MTRF1: variants seen among roughly 807,000 people sequenced by gnomAD.
MTRF1 encodes the protein mitochondrial translation release factor 1.
Under a neutral mutation model 62.9 loss-of-function variants are expected in MTRF1, and 51 were observed. That is an observed-to-expected ratio of 0.81 (90% CI 0.65 to 1.02). The LOEUF (loss-of-function observed/expected upper bound fraction) is 1.02, where lower values mean the gene tolerates loss of function less well. Among genes scored for constraint, MTRF1 ranks in the 50% least tolerant of loss-of-function variants. The pLI, the probability that MTRF1 is intolerant of heterozygous loss-of-function variation, is 0.00. For missense variants in MTRF1, 446 were observed against 530.0 expected, an observed-to-expected ratio of 0.84 and a Z score of 1.56; for synonymous variants, 158 against 181.9, an observed-to-expected ratio of 0.87 and a Z score of 1.06.
the MTRF1 span, chr13:41,311,593 G>C: frequency 6.2e-7 from 1 of 1,602,414 alleles, no homozygotes; most frequent in Non-Finnish European, 8.5e-7. Context: ...GTGAGTGGCC[G>C]TAGGCCGCGC....
the MTRF1 span, among the ~76,000 whole-genome samples, chr13:41,300,874 C>T: frequency 1.3e-5 from 2 of 152,170 alleles, no homozygotes; most frequent in African/African-American, 4.8e-5. Flanking sequence ...TAGTCAAGAA[C>T]AAAATGCCTT....
chr13:41,240,162 C>CAA (rs58711295), intron 6 of MTRF1, 99 bp downstream of exon 6: 6,066 of 1,039,746 alleles, frequency 5.8e-3, no homozygotes, highest in Non-Finnish European at 6.7e-3. Flanking sequence ...GACTCTGTCT[C>CAA]AAAAAAAAAA....
At chr13:41,302,023 A>AT in the MTRF1 span, among the ~76,000 whole-genome samples, 1 of 151,810 alleles carries the variant, frequency 6.6e-6, no homozygotes, top group Non-Finnish European at 1.5e-5. Context: ...AGTCTTTCTT[A>AT]TTTATTTATT....
In MTRF1 at chr13:41,260,610, C is replaced by T; in HGVS notation, c.298G>A (p.Glu100Lys). ...EQCLQHIPVN[E>K]ENRRSLNRRH... ...CTGTTCAAGGACCTTCGGTTTTCCT[C>T]ATTCACAGGGATATGCTGCAGACAT... The change falls in exon 2 of 10, where the codon GAG becomes AAG. Residue 100 changes from glutamate (E) to lysine (K), a missense_variant. Glu to Lys is a moderately conservative substitution (Grantham distance 56). Transcript: ENST00000379480. The T allele has an allele frequency of 6.2e-7, 1 of 1,614,182 alleles. No individual in the cohort carries two copies. The highest frequency in any genetic ancestry group is 1.1e-5 in the South Asian group (1 of 91,078).
chr13:41,217,063 T>G lies in MTRF1; in HGVS notation c.*52A>C. On this transcript the variant is annotated 3_prime_UTR_variant, in exon 10 of 10. Coordinates refer to ENST00000379480, the MANE Select transcript of MTRF1 (RefSeq NM_004294.4). ...TGATTTCCAAGCTTCAGTCTGCCTC[T>G]TGATATAGGTCCATTTCATTTATAT... The G allele has an allele frequency of 9.6e-7, 1 of 1,044,036 alleles. No individual in the cohort carries two copies. Among genetic ancestry groups the G allele is most frequent in the South Asian group, 1.6e-5 (1 of 61,910 alleles). The allele number at this position is 1,044,036 out of a possible 1,614,324, so 64.7% of individuals were successfully genotyped here.
At chr13:41,284,375 C>T in the MTRF1 span, among the ~76,000 whole-genome samples, 4 of 150,320 alleles carry the variant, frequency 2.7e-5, no homozygotes, top group African/African-American at 9.8e-5. Context: ...CCCAGCTACT[C>T]GGGAGGCTCA....
At chr13:41,292,971 T>A in the MTRF1 span, among the ~76,000 whole-genome samples, 2 of 152,096 alleles carry the variant, frequency 1.3e-5, no homozygotes, top group Non-Finnish European at 2.9e-5. Flanking sequence ...AAAAACTTAT[T>A]TGCCTGAAAT....
chr13:41,280,476 T>C, the MTRF1 span, among the ~76,000 whole-genome samples: 2 of 152,228 alleles, frequency 1.3e-5, no homozygotes, highest in African/African-American at 4.8e-5. Flanking sequence ...GGGCACAGGT[T>C]CTCAGGACCT....
intron 5 of MTRF1, among the ~76,000 whole-genome samples, chr13:41,249,596 T>A (rs945592357): frequency 1.3e-5 from 2 of 151,180 alleles, no homozygotes; most frequent in Non-Finnish European, 2.9e-5. Context: ...TAAAGGTTTA[T>A]TCTTAGTCTT....
At chr13:41,293,657 T>A in the MTRF1 span, among the ~76,000 whole-genome samples, 14 of 152,194 alleles carry the variant, frequency 9.2e-5, no homozygotes, top group African/African-American at 3.1e-4. Flanking sequence ...TAAAAATGGA[T>A]AACAAGGAAA....
At chr13:41,263,194 G>T in intron 1 of MTRF1, 1 of 1,067,366 alleles carries the variant, frequency 9.4e-7, no homozygotes. Context: ...GTAGTAGAAT[G>T]CATAATTTTC....
Position 41,240,120 on chromosome 13 carries a change from G to A in MTRF1, c.870+141C>T, listed in dbSNP as rs553322137. ...GGAGGTTGCAGTGAGCAGAGATCGC[G>A]CCACTGTACTCCAACCTGGGCGACA... On this transcript the variant is annotated intron_variant, in intron 6 of 9. Transcript: ENST00000379480. 1.1e-4 allele frequency: 77 copies of A among 729,692 alleles called. 1 individual carries two copies. In the East Asian group the frequency reaches 1.9e-3, roughly 18 times the overall value. 45.2% of individuals were successfully genotyped at this position (729,692 alleles called of 1,614,324 possible). A position where few individuals can be genotyped will look rare whatever the true frequency, so the allele number is the denominator to read the frequency against.
chr13:41,301,684 G>A, the MTRF1 span, among the ~76,000 whole-genome samples: 1 of 151,908 alleles, frequency 6.6e-6, no homozygotes, highest in Non-Finnish European at 1.5e-5. Context: ...GGAGGTGGAG[G>A]TTGCAGTGAG....
chr13:41,288,938 G>A, the MTRF1 span, among the ~76,000 whole-genome samples: 1 of 152,248 alleles, frequency 6.6e-6, no homozygotes, highest in East Asian at 1.9e-4. Flanking sequence ...TTGAAGATAG[G>A]GAGCATAGTG....
the MTRF1 span, among the ~76,000 whole-genome samples, chr13:41,274,192 T>A: frequency 6.6e-6 from 1 of 152,222 alleles, no homozygotes; most frequent in African/African-American, 2.4e-5. Context: ...TCTGGTGCTA[T>A]GTGACTTTTG....
intron 7 of MTRF1, among the ~76,000 whole-genome samples, chr13:41,227,689 C>T (rs937697953): frequency 3.9e-5 from 6 of 152,198 alleles, no homozygotes; most frequent in Non-Finnish European, 7.3e-5. Context: ...AAACCAAAAG[C>T]CCCATTAGCT....
chr13:41,276,698 C>T, the MTRF1 span, among the ~76,000 whole-genome samples: 1 of 152,102 alleles, frequency 6.6e-6, no homozygotes. Context: ...TGATAATGAG[C>T]CTTCCCCCAA....
intron 9 of MTRF1, chr13:41,220,791 A>G (rs1593543403): frequency 2.7e-6 from 1 of 374,944 alleles, no homozygotes; most frequent in African/African-American, 2.1e-5. Context: ...CTAACCTCTT[A>G]CATGCTTTAT....
intron 2 of MTRF1, 122 bp downstream of exon 2, chr13:41,260,371 A>T (rs1200152739): frequency 2.9e-6 from 3 of 1,019,000 alleles, no homozygotes; most frequent in Non-Finnish European, 4.2e-6. Flanking sequence ...AAAAAAAACA[A>T]AGACTAAGTT....
Sources: gnomAD v4.1 joint callset for allele counts (sites outside exome capture counted in the v4.1 genomes callset) on GRCh38, gnomAD v4.1.1 for gene constraint, MANE v1.5 for transcripts, NCBI Gene and HGNC (gene_info 2026-07-23, HGNC 2026-07-21) for gene names.